Variants in CMIP observed in about 807,000 individuals in gnomAD.
The protein encoded by CMIP is c-Maf inducing protein, also known as C-Maf-inducing protein.
Under a neutral mutation model 97.3 loss-of-function variants are expected in CMIP, and 13 were observed. The ratio of observed to expected loss-of-function variants is 0.13; its 90% CI spans 0.09 to 0.21. The LOEUF is 0.21. Ranked by LOEUF, CMIP falls within the 10% of genes least tolerant of loss-of-function variation. CMIP has a pLI of 1.00. For synonymous variants in CMIP, 538 were observed against 436.3 expected (o/e 1.23, Z -2.91); for missense variants, 847 against 1,024.9 (o/e 0.83, Z 2.37).
intron 3 of CMIP, among the ~76,000 whole-genome samples, chr16:81,647,328 A>G (rs2092375035): frequency 6.6e-6 from 1 of 152,206 alleles, no homozygotes; most frequent in Non-Finnish European, 1.5e-5. Context: ...TTTGTGGGCC[A>G]CATTGGATTT....
intron 1 of CMIP, among the ~76,000 whole-genome samples, chr16:81,562,206 G>A (rs1289412714): frequency 6.6e-6 from 1 of 152,248 alleles, no homozygotes; most frequent in Non-Finnish European, 1.5e-5. Flanking sequence ...TCTGTGCCAA[G>A]TACTGAGCCA....
intron 1 of CMIP, among the ~76,000 whole-genome samples, chr16:81,465,986 G>A (rs952005326): frequency 6.6e-6 from 1 of 152,176 alleles, no homozygotes; most frequent in African/African-American, 2.4e-5. Context: ...AGAAGTCGAT[G>A]ATGAAAAATA....
intron 3 of CMIP, among the ~76,000 whole-genome samples, chr16:81,644,778 C>G (rs570325748): frequency 6.6e-6 from 1 of 152,330 alleles, no homozygotes; most frequent in African/African-American, 2.4e-5. Flanking sequence ...GGGGACATTG[C>G]ACCTTGGTAG....
chr16:81,470,297 C>T (rs959038215), intron 1 of CMIP, among the ~76,000 whole-genome samples: 2 of 145,424 alleles, frequency 1.4e-5, no homozygotes, highest in South Asian at 2.1e-4. Context: ...CCCATCCAGG[C>T]GCCCCGTCCA....
chr16:81,475,291 C>T (rs1342897353), intron 1 of CMIP, among the ~76,000 whole-genome samples: 1 of 152,196 alleles, frequency 6.6e-6, no homozygotes, highest in Admixed American at 6.5e-5. Flanking sequence ...TTCAGCCATG[C>T]AAAGCAGGGT....
intron 1 of CMIP, among the ~76,000 whole-genome samples, chr16:81,541,815 C>A (rs2090454510): frequency 6.6e-6 from 1 of 152,126 alleles, no homozygotes; most frequent in Non-Finnish European, 1.5e-5. Flanking sequence ...ATCAGGCATG[C>A]GTTTATGTGA....
Position 81,705,617 on chromosome 16 carries a change from G to A in CMIP, c.2197+13G>A, listed in dbSNP as rs892683107. 52 of 1,543,116 alleles carry A rather than the reference G, an allele frequency of 3.4e-5. No homozygotes were observed. Among genetic ancestry groups the A allele is most frequent in the South Asian group, 4.7e-5 (4 of 85,716 alleles). On this transcript the variant is annotated intron_variant, in intron 19 of 20. Transcript: ENST00000537098. ...CTGGCCCTGAGCTGTGAGTGCCTCC[G>A]GGGCAGCTGGGGGGTGAGGGGCCGC...
intron 1 of CMIP, among the ~76,000 whole-genome samples, chr16:81,606,354 C>A (rs1210351066): frequency 6.6e-6 from 1 of 152,170 alleles, no homozygotes; most frequent in African/African-American, 2.4e-5. Context: ...CATGGGAGAG[C>A]CAGGGAGGTG....
intron 10 of CMIP, 170 bp from the exon 11 acceptor site, chr16:81,691,605 G>T: frequency 1.5e-6 from 1 of 648,718 alleles, no homozygotes; most frequent in Non-Finnish European, 2.8e-6. Flanking sequence ...TTGAGGCCAC[G>T]CTGAGAACAT....
chr16:81,611,110 C>T (rs2091824676), intron 2 of CMIP, among the ~76,000 whole-genome samples: 1 of 152,214 alleles, frequency 6.6e-6, no homozygotes, highest in African/African-American at 2.4e-5. Context: ...ATTTAATTTA[C>T]TCATCAAATT....
At chr16:81,679,349 A>C (rs1301198149) in intron 10 of CMIP, among the ~76,000 whole-genome samples, 1 of 152,012 alleles carries the variant, frequency 6.6e-6, no homozygotes, top group Non-Finnish European at 1.5e-5. Context: ...GGCTGCATGC[A>C]TGTGGGTGTA....
At chr16:81,503,515 G>C (rs1478859214) in intron 1 of CMIP, among the ~76,000 whole-genome samples, 1 of 152,160 alleles carries the variant, frequency 6.6e-6, no homozygotes, top group East Asian at 1.9e-4. Context: ...TCCCACCTCA[G>C]CCTCCCGAGT....
chr16:81,699,821 C>T lies in CMIP; in HGVS notation c.1755+20C>T, dbSNP rs1363752019. On this transcript the variant is annotated intron_variant, in intron 15 of 20. Coordinates refer to ENST00000537098, the MANE Select transcript of CMIP (RefSeq NM_198390.3). ...GTGGAGGTAAGGAGCTGGTCGGGGT[C>T]CCTGGTGGGGTGGCTGGCTCCCCGT... The T allele has an allele frequency of 2.6e-6, 4 of 1,549,196 alleles. No individual in the cohort carries two copies. The highest frequency in any genetic ancestry group is 3.6e-6 in the Non-Finnish European group (4 of 1,126,012).
At position 81,654,587 on chromosome 16, in the gene CMIP, C is replaced by T. The variant is rs8062625; in HGVS notation, c.639+2223C>T. Among the ~76,000 whole-genome samples, 1,042 of 152,312 alleles carry T rather than the reference C, an allele frequency of 6.8e-3. 8 individuals are homozygous for T. The highest frequency in any genetic ancestry group is 0.024 in the African/African-American group (989 of 41,558). On this transcript the variant is annotated intron_variant, in intron 4 of 20. Transcript: ENST00000537098. ...ACATTTAGGGACAGAGCTGGGACTCCAGCCCAGGCTGCCTGACCCGGCATC... is the reference window on the plus strand; with the variant it reads ...ACATTTAGGGACAGAGCTGGGACTCTAGCCCAGGCTGCCTGACCCGGCATC...
At chr16:81,624,331 A>C (rs2092031198) in intron 3 of CMIP, among the ~76,000 whole-genome samples, 1 of 152,124 alleles carries the variant, frequency 6.6e-6, no homozygotes, top group South Asian at 2.1e-4. Context: ...ATTTAACGTT[A>C]GGTATATCTC....
At chr16:81,497,027 G>T (rs576680450) in intron 1 of CMIP, among the ~76,000 whole-genome samples, 1 of 152,350 alleles carries the variant, frequency 6.6e-6, no homozygotes, top group Non-Finnish European at 1.5e-5. Flanking sequence ...GCCTCGTAAG[G>T]GGTGTCCGGG....
chr16:81,597,758 A>C (rs2091585434), intron 1 of CMIP, among the ~76,000 whole-genome samples: 1 of 152,154 alleles, frequency 6.6e-6, no homozygotes, highest in Non-Finnish European at 1.5e-5. Context: ...TTGGACACTC[A>C]ACTGTCAAAG....
intron 6 of CMIP, among the ~76,000 whole-genome samples, chr16:81,662,483 G>T (rs1228012241): frequency 1.3e-5 from 2 of 152,176 alleles, no homozygotes; most frequent in East Asian, 3.8e-4. Context: ...TTGGAGGGAG[G>T]GGGGTCCCAG....
At chr16:81,589,763 T>C (rs1218545362) in intron 1 of CMIP, among the ~76,000 whole-genome samples, 3 of 152,276 alleles carry the variant, frequency 2.0e-5, no homozygotes, top group Admixed American at 6.5e-5. Flanking sequence ...TACTCAGGCT[T>C]CATAAAAAGT....
Sources: gnomAD v4.1 joint callset for allele counts (sites outside exome capture counted in the v4.1 genomes callset) on GRCh38, gnomAD v4.1.1 for gene constraint, MANE v1.5 for transcripts, NCBI Gene and HGNC (gene_info 2026-07-23, HGNC 2026-07-21) for gene names.